TTC6: variants seen among roughly 807,000 people sequenced by gnomAD.
The protein encoded by TTC6 is tetratricopeptide repeat protein 6.
In TTC6, 172 loss-of-function variants were observed where a neutral mutation model predicts 210.4. The ratio of observed to expected loss-of-function variants is 0.82; its 90% CI spans 0.72 to 0.93. TTC6 has a LOEUF of 0.93. TTC6 is among the 40% of genes least tolerant of loss of function. The pLI is 0.00. For synonymous variants in TTC6, 804 were observed against 819.6 expected, an observed-to-expected ratio of 0.98 and a Z score of 0.32; for missense variants, 2,414 against 2,318.1, an observed-to-expected ratio of 1.04 and a Z score of -0.85.
At chr14:37,655,706 A>T (rs1406801714) in intron 1 of TTC6, among the ~76,000 whole-genome samples, 1 of 152,228 alleles carries the variant, frequency 6.6e-6, no homozygotes, top group East Asian at 1.9e-4. Flanking sequence ...TAAGACTGTG[A>T]ATTCCCAAGA....
In TTC6 at chr14:37,658,087, A is replaced by G. The variant is rs563643435; in HGVS notation, c.940-22064A>G. On this transcript the variant is annotated intron_variant, in intron 1 of 30. Coordinates refer to ENST00000553443, the Ensembl canonical transcript of TTC6. The stretch of plus-strand genomic sequence containing the variant: ...TCAAGGATAGTATTTAGGCACTTAT[A>G]TAACAAGAGAGAAAATAATTTCCAC... Among the ~76,000 whole-genome samples, 5 of 152,374 alleles carry G rather than the reference A, an allele frequency of 3.3e-5. No individual in the cohort carries two copies. In the South Asian group the frequency reaches 8.3e-4, roughly 25 times the overall value.
chr14:37,806,630 T>A, intron 22 of TTC6, 120 bp downstream of exon 24: 1 of 974,714 alleles, frequency 1.0e-6, no homozygotes, highest in Non-Finnish European at 1.4e-6. Flanking sequence ...ACTTTTCACT[T>A]AACTTTATTT....
At chr14:37,682,017 A>G (rs1229942249) in intron 2 of TTC6, among the ~76,000 whole-genome samples, 1 of 152,100 alleles carries the variant, frequency 6.6e-6, no homozygotes, top group Non-Finnish European at 1.5e-5. Context: ...TGTGGTGACC[A>G]TAGAAGCTGT....
At chr14:37,778,927 T>G (rs1452398109) in intron 14 of TTC6, among the ~76,000 whole-genome samples, 1 of 152,148 alleles carries the variant, frequency 6.6e-6, no homozygotes. Flanking sequence ...AAGGGGAGCA[T>G]GGCAGACCTT....
At chr14:37,747,257 G>T (rs1250794350) in intron 10 of TTC6, among the ~76,000 whole-genome samples, 1 of 152,094 alleles carries the variant, frequency 6.6e-6, no homozygotes, top group Non-Finnish European at 1.5e-5. Flanking sequence ...ATGTGTGTGT[G>T]TGTTTCCTGA....
rs1426859771 is a variant in TTC6 at position 37,622,681 on chromosome 14, G to T, written c.617G>T (p.Ser206Ile). Residue 206 changes from serine to isoleucine, a missense_variant, in exon 1 of 31, where the codon AGC (serine) becomes ATC (isoleucine). Transcript: ENST00000553443. ...TGCATGGCCAAAGAGAGGAAGGCCAGCTCCGTCTCCGCAGAGGACGGCTAC... is the reference window on the plus strand; with the variant it reads ...TGCATGGCCAAAGAGAGGAAGGCCATCTCCGTCTCCGCAGAGGACGGCTAC... The T allele has an allele frequency of 2.0e-6, 3 of 1,535,052 alleles. No homozygotes were observed. In the African/African-American group the frequency reaches 4.1e-5, roughly 21 times the overall value.
intron 14 of TTC6, among the ~76,000 whole-genome samples, chr14:37,769,141 A>G (rs921225518): frequency 2.0e-5 from 3 of 151,542 alleles, no homozygotes; most frequent in African/African-American, 7.3e-5. Flanking sequence ...CTTGCATCCC[A>G]GGGATGAAGC....
chr14:37,841,365 A>T, intron 29 of TTC6, 80 bp from the exon 32 acceptor site: 17 of 1,245,396 alleles, frequency 1.4e-5, no homozygotes, highest in Non-Finnish European at 1.9e-5. Context: ...GCCTTAATTT[A>T]AAATTAAGAG....
chr14:37,676,243 C>G (rs2095769091), intron 1 of TTC6, among the ~76,000 whole-genome samples: 1 of 152,060 alleles, frequency 6.6e-6, no homozygotes, highest in African/African-American at 2.4e-5. Context: ...GGCCAGGACA[C>G]TTACAACTGG....
At chr14:37,758,896 A>G (rs1040487565) in intron 14 of TTC6, among the ~76,000 whole-genome samples, 2 of 152,144 alleles carry the variant, frequency 1.3e-5, no homozygotes, top group African/African-American at 2.4e-5. Context: ...GACAAAATCC[A>G]TCATCATTTG....
intron 1 of TTC6, among the ~76,000 whole-genome samples, chr14:37,596,882 G>C (rs1420455521): frequency 6.6e-6 from 1 of 151,982 alleles, no homozygotes; most frequent in Non-Finnish European, 1.5e-5. Context: ...TCTTTTACTT[G>C]AAATCTGGCA....
At chr14:37,626,593 G>A (rs1233819132) in intron 1 of TTC6, among the ~76,000 whole-genome samples, 2 of 152,126 alleles carry the variant, frequency 1.3e-5, no homozygotes, top group Non-Finnish European at 2.9e-5. Context: ...ACCCCAAAAC[G>A]TGAATAGCAG....
chr14:37,815,167 C>T (rs1183529113), intron 25 of TTC6, among the ~76,000 whole-genome samples: 2 of 152,080 alleles, frequency 1.3e-5, no homozygotes, highest in South Asian at 2.1e-4. Context: ...CTGCCATTCT[C>T]GATCTAAATG....
intron 2 of TTC6, among the ~76,000 whole-genome samples, chr14:37,616,886 A>T (rs1017943301): frequency 1.3e-5 from 2 of 152,102 alleles, no homozygotes; most frequent in African/African-American, 4.8e-5. Flanking sequence ...CTTAAAAAAA[A>T]TTATTTTTAT....
chr14:37,619,888 G>T (rs2139288149), upstream of TTC6, among the ~76,000 whole-genome samples: 1 of 151,978 alleles, frequency 6.6e-6, no homozygotes, highest in East Asian at 1.9e-4. Context: ...TTTTGCACTG[G>T]CATGAAACCA....
intron 1 of TTC6, among the ~76,000 whole-genome samples, 176 bp from the exon 4 acceptor site, chr14:37,679,975 C>T (rs2095779584): frequency 1.3e-5 from 2 of 152,010 alleles, no homozygotes; most frequent in Admixed American, 6.6e-5. Flanking sequence ...CAGGCATGAG[C>T]CACCACACCC....
chr14:37,784,435 A>T (rs1347402564), intron 14 of TTC6, among the ~76,000 whole-genome samples: 2 of 152,124 alleles, frequency 1.3e-5, no homozygotes, highest in Non-Finnish European at 2.9e-5. Context: ...AGAGACCAGG[A>T]TTACAACCCC....
In TTC6 at chr14:37,749,257, C is replaced by T. The variant is rs772691618; in HGVS notation, c.2682C>T (p.Val894=). 6 of 1,525,602 alleles carry T rather than the reference C, an allele frequency of 3.9e-6. No homozygotes were observed. The South Asian group carries it at 6.1e-5, about 16-fold the overall frequency. 94.5% of individuals were successfully genotyped at this position (1,525,602 alleles called of 1,614,324 possible). Reference sequence around the variant, plus strand: ...TGGAGTCTGATCTTCCACAAGAGGTCATTAAATATTATGAATCTGAAGTGA... The same window carrying T: ...TGGAGTCTGATCTTCCACAAGAGGTTATTAAATATTATGAATCTGAAGTGA... Residue 894 remains valine, a synonymous_variant, in exon 11 of 31, where the codon GTC becomes GTT. Coordinates refer to ENST00000553443, the Ensembl canonical transcript of TTC6.
chr14:37,606,794 A>G, intron 2 of TTC6, 52 bp downstream of exon 2: 3 of 984,750 alleles, frequency 3.0e-6, no homozygotes, highest in Non-Finnish European at 3.6e-6. Context: ...AAGTCATCAA[A>G]AGGCTCTACT....
Sources: allele counts gnomAD v4.1 joint callset (sites outside exome capture counted in the v4.1 genomes callset), GRCh38; gene constraint gnomAD v4.1.1; transcripts MANE v1.5; gene names NCBI Gene and HGNC (gene_info 2026-07-23, HGNC 2026-07-21).